IQSEC3: variants seen among roughly 807,000 people sequenced by gnomAD.
IQSEC3 encodes the protein IQ motif and Sec7 domain ArfGEF 3.
Under a neutral mutation model 105.4 loss-of-function variants are expected in IQSEC3, and 50 were observed. That is an observed-to-expected ratio of 0.47 (90% CI 0.38 to 0.60). The LOEUF is 0.60. Among genes scored for constraint, IQSEC3 ranks in the 20% least tolerant of loss-of-function variants. IQSEC3 has a pLI of 0.00. For synonymous variants in IQSEC3, 708 were observed against 746.0 expected, an observed-to-expected ratio of 0.95 and a Z score of 0.83; for missense variants, 1,415 against 1,630.0, an observed-to-expected ratio of 0.87 and a Z score of 2.27.
chr12:144,746 T>C (rs1308303715), intron 5 of IQSEC3, among the ~76,000 whole-genome samples: 1 of 152,260 alleles, frequency 6.6e-6, no homozygotes, highest in African/African-American at 2.4e-5. Flanking sequence ...CAAGAAGGAA[T>C]GTATTCTTAC....
chr12:98,702 T>C, intron 1 of IQSEC3, among the ~76,000 whole-genome samples: 1 of 152,198 alleles, frequency 6.6e-6, no homozygotes, highest in Admixed American at 6.5e-5. Context: ...TATGATCAGC[T>C]TAAAAGTATT....
chr12:107,397 GTTTTCTTTTTTT>G (rs1864690986), intron 2 of IQSEC3, among the ~76,000 whole-genome samples: 1 of 97,672 alleles, frequency 1.0e-5, no homozygotes, highest in South Asian at 3.5e-4. Context: ...CCGGTAGTCT[GTTTTCTTTTTTT>G]TTTTTTTTTT....
At chr12:87,160 T>C (rs1863943407) in intron 1 of IQSEC3, among the ~76,000 whole-genome samples, 1 of 152,144 alleles carries the variant, frequency 6.6e-6, no homozygotes, top group African/African-American at 2.4e-5. Flanking sequence ...TTTTTTCTGT[T>C]CTGCATCATA....
At chr12:125,987 G>A in intron 3 of IQSEC3, 75 bp downstream of exon 3, 1 of 1,407,932 alleles carries the variant, frequency 7.1e-7, no homozygotes, top group Non-Finnish European at 9.5e-7. Flanking sequence ...GGGTACCAGG[G>A]ATATCCCCGC....
At chr12:115,496 A>G (rs1197068204) in intron 2 of IQSEC3, among the ~76,000 whole-genome samples, 1 of 152,194 alleles carries the variant, frequency 6.6e-6, no homozygotes, top group African/African-American at 2.4e-5. Flanking sequence ...GCTAGAAAGA[A>G]TGAGACAAGG....
chr12:90,336 G>A (rs1277103762), intron 1 of IQSEC3, among the ~76,000 whole-genome samples: 1 of 152,150 alleles, frequency 6.6e-6, no homozygotes, highest in Non-Finnish European at 1.5e-5. Flanking sequence ...TCATTTCAAT[G>A]AAGGCTAACT....
chr12:109,389 T>G (rs74054885), intron 2 of IQSEC3, among the ~76,000 whole-genome samples: 7,885 of 152,240 alleles, frequency 0.052, 663 homozygotes, highest in African/African-American at 0.18. Context: ...ATCTTCCTTA[T>G]GTAGCCCCCC....
chr12:105,227 T>C (rs534257046), intron 2 of IQSEC3, among the ~76,000 whole-genome samples: 1 of 152,340 alleles, frequency 6.6e-6, no homozygotes, highest in South Asian at 2.1e-4. Context: ...GTCTCCTTCA[T>C]GGTTCACTGG....
At chr12:134,131 G>A (rs932268299) in intron 3 of IQSEC3, among the ~76,000 whole-genome samples, 12 of 152,228 alleles carry the variant, frequency 7.9e-5, no homozygotes, top group African/African-American at 1.9e-4. Context: ...GCGGGAGAGC[G>A]TCTGCTGAGT....
At chr12:120,022 A>T (rs1865167300) in intron 2 of IQSEC3, among the ~76,000 whole-genome samples, 1 of 152,226 alleles carries the variant, frequency 6.6e-6, no homozygotes, top group Admixed American at 6.5e-5. Flanking sequence ...CCATCCATCC[A>T]TCCACCCATT....
rs1591766234 is a variant in IQSEC3, at chr12:175,415, A to C, written c.*382A>C. On this transcript the variant is annotated 3_prime_UTR_variant, in exon 14 of 14. Coordinates refer to ENST00000538872, the MANE Select transcript of IQSEC3 (RefSeq NM_001170738.2). Reference sequence around the variant, plus strand: ...GGGGCCTCGGGCCTTGGGCAGCAGCATGAGGCTGGGCCGGCCGGCAGTGGA... The same window carrying C: ...GGGGCCTCGGGCCTTGGGCAGCAGCCTGAGGCTGGGCCGGCCGGCAGTGGA... The C allele has an allele frequency of 9.9e-6, 2 of 201,654 alleles. No homozygotes were observed. Among genetic ancestry groups the C allele is most frequent in the East Asian group, 1.2e-4 (1 of 8,010 alleles). 12.5% of individuals were successfully genotyped at this position (201,654 alleles called of 1,614,324 possible).
chr12:168,820 C>G (rs11061709), intron 11 of IQSEC3, among the ~76,000 whole-genome samples, 193 bp from the exon 12 acceptor site: 44,030 of 151,960 alleles, frequency 0.29, 6,744 homozygotes, highest in South Asian at 0.43. Context: ...GTACAGATGA[C>G]GAAACTGCGG....
chr12:163,173 C>A (rs1866983004), intron 8 of IQSEC3, among the ~76,000 whole-genome samples: 1 of 146,378 alleles, frequency 6.8e-6, no homozygotes, highest in African/African-American at 2.6e-5. Flanking sequence ...CCGAACCCCT[C>A]CCCTCTCCTC....
chr12:92,130 A>G (rs1864107165), intron 1 of IQSEC3, among the ~76,000 whole-genome samples: 1 of 152,128 alleles, frequency 6.6e-6, no homozygotes, highest in African/African-American at 2.4e-5. Flanking sequence ...AGAACTCATC[A>G]ATATGGGGGA....
In IQSEC3 at chr12:175,027, G is replaced by C; in HGVS notation, c.3543G>C (p.Leu1181=). The change falls in exon 14 of 14, where the codon CTG becomes CTC. Residue 1181 remains leucine (L), a synonymous_variant. Coordinates refer to ENST00000538872, the MANE Select transcript of IQSEC3 (RefSeq NM_001170738.2). The part of the protein sequence containing the change: ...GHRYSSGSRS[L]V ...GCTACTCCAGTGGCTCAAGGAGCCTGGTGTAGACTCTGCCCCACCACCCTG... is the reference window on the plus strand; with the variant it reads ...GCTACTCCAGTGGCTCAAGGAGCCTCGTGTAGACTCTGCCCCACCACCCTG... 1 of 1,533,398 alleles carries C rather than the reference G, an allele frequency of 6.5e-7. No homozygotes were observed. The highest frequency in any genetic ancestry group is 8.7e-7 in the Non-Finnish European group (1 of 1,145,966). The allele number at this position is 1,533,398 out of a possible 1,614,324, so 95.0% of individuals were successfully genotyped here.
intron 2 of IQSEC3, among the ~76,000 whole-genome samples, chr12:123,583 C>T (rs1166309932): frequency 6.6e-6 from 1 of 152,206 alleles, no homozygotes; most frequent in Admixed American, 6.5e-5. Context: ...CCAGCAAGCA[C>T]TCCTTTATCT....
chr12:96,053 A>G (rs1565391773), intron 1 of IQSEC3, among the ~76,000 whole-genome samples: 1 of 152,162 alleles, frequency 6.6e-6, no homozygotes. Context: ...ACACGCACCC[A>G]AGGTGGTTGG....
rs782276107 is a variant in IQSEC3 at position 141,130 on chromosome 12, C to T, written c.1998C>T (p.Pro666=). 2.0e-5 allele frequency: 32 copies of T among 1,604,520 alleles called. No homozygotes were observed. Among genetic ancestry groups the T allele is most frequent in the South Asian group, 1.0e-4 (9 of 90,412 alleles). The change falls in exon 5 of 14, where the codon CCC becomes CCT. Residue 666 remains proline, a synonymous_variant. Coordinates refer to ENST00000538872, the MANE Select transcript of IQSEC3 (RefSeq NM_001170738.2). The part of the protein sequence containing the change: ...RIGLNLFNIN[P]DKGIQFLISR... ...TCCCCACCCCCACCTCCAGAAACCC[C>T]GACAAGGGCATCCAGTTCCTGATCT...
chr12:125,984 A>G (rs1865390422), intron 3 of IQSEC3, 72 bp downstream of exon 3: 1 of 1,417,480 alleles, frequency 7.1e-7, no homozygotes, highest in African/African-American at 1.4e-5. Context: ...CGAGGGTACC[A>G]GGGATATCCC....
Sources: gnomAD v4.1 joint callset for allele counts (sites outside exome capture counted in the v4.1 genomes callset) on GRCh38, gnomAD v4.1.1 for gene constraint, MANE v1.5 for transcripts, NCBI Gene and HGNC (gene_info 2026-07-23, HGNC 2026-07-21) for gene names.